Variants in RAB3IL1 observed in about 807,000 individuals in gnomAD.
RAB3IL1 encodes RAB3A interacting protein like 1.
A neutral mutation model predicts 49.2 loss-of-function variants in RAB3IL1; 37 were observed. The ratio of observed to expected loss-of-function variants is 0.75; its 90% CI spans 0.58 to 0.99. The LOEUF (loss-of-function observed/expected upper bound fraction) is 0.99, where lower values mean the gene tolerates loss of function less well. Among genes scored for constraint, RAB3IL1 ranks in the 50% least tolerant of loss-of-function variants. The pLI, the probability that RAB3IL1 is intolerant of heterozygous loss-of-function variation, is 0.00. For missense variants in RAB3IL1, 484 were observed against 513.0 expected, an observed-to-expected ratio of 0.94 and a Z score of 0.55; for synonymous variants, 193 against 213.9, an observed-to-expected ratio of 0.90 and a Z score of 0.85.
upstream of RAB3IL1, among the ~76,000 whole-genome samples, chr11:61,921,444 A>G (rs544298544): frequency 3.0e-4 from 45 of 151,974 alleles, no homozygotes; most frequent in Middle Eastern, 3.4e-3. Context: ...TCCACATACT[A>G]TCCCCCCTGA....
At chr11:61,930,194 C>G in the RAB3IL1 span, among the ~76,000 whole-genome samples, 1 of 151,890 alleles carries the variant, frequency 6.6e-6, no homozygotes, top group East Asian at 1.9e-4. Flanking sequence ...CCACTCCCAG[C>G]CAAGCATAGA....
the RAB3IL1 span, among the ~76,000 whole-genome samples, chr11:61,936,455 G>T: frequency 1.3e-5 from 2 of 152,220 alleles, no homozygotes; most frequent in Admixed American, 6.5e-5. Context: ...AGGCTGGAGT[G>T]CAGTGGCACG....
At chr11:61,939,822 G>T in the RAB3IL1 span, among the ~76,000 whole-genome samples, 1 of 152,070 alleles carries the variant, frequency 6.6e-6, no homozygotes, top group Admixed American at 6.6e-5. Flanking sequence ...GCCAGGTGTG[G>T]TGGCACATGT....
At chr11:61,938,829 G>C in the RAB3IL1 span, among the ~76,000 whole-genome samples, 1 of 152,014 alleles carries the variant, frequency 6.6e-6, no homozygotes, top group Non-Finnish European at 1.5e-5. Context: ...GGGAGGCTGA[G>C]GCAGGAGGAT....
upstream of RAB3IL1, among the ~76,000 whole-genome samples, chr11:61,918,907 C>T (rs551964558): frequency 5.3e-5 from 8 of 152,288 alleles, no homozygotes; most frequent in South Asian, 8.3e-4. Flanking sequence ...TCCATGGCCA[C>T]GGCTTCCAGA....
intron 8 of RAB3IL1, among the ~76,000 whole-genome samples, chr11:61,900,370 A>G (rs903621007): frequency 6.6e-6 from 1 of 152,306 alleles, no homozygotes; most frequent in African/African-American, 2.4e-5. Context: ...TGAATGTCCA[A>G]CACTCCTGGG....
At chr11:61,899,079 T>A in intron 9 of RAB3IL1, 1 of 584,802 alleles carries the variant, frequency 1.7e-6, no homozygotes, top group Admixed American at 2.7e-5. Context: ...GGTGGCCCCC[T>A]TGTGCGGGGC....
chr11:61,916,001 C>T (rs142159230), intron 1 of RAB3IL1, among the ~76,000 whole-genome samples: 32 of 146,946 alleles, frequency 2.2e-4, no homozygotes, highest in Admixed American at 2.1e-3. Flanking sequence ...CACTGCACTC[C>T]AGCCTGGGCG....
chr11:61,932,217 C>T, the RAB3IL1 span, among the ~76,000 whole-genome samples: 1 of 151,630 alleles, frequency 6.6e-6, no homozygotes, highest in Non-Finnish European at 1.5e-5. Flanking sequence ...CACCACTGCA[C>T]TCCAGCCTGG....
chr11:61,943,163 T>C, the RAB3IL1 span, among the ~76,000 whole-genome samples: 2 of 152,240 alleles, frequency 1.3e-5, no homozygotes, highest in East Asian at 3.8e-4. Context: ...CTCAATAGAA[T>C]TGATAGTCCA....
At chr11:61,922,248 C>T (rs1939926128), upstream of RAB3IL1, among the ~76,000 whole-genome samples, 1 of 151,658 alleles carries the variant, frequency 6.6e-6, no homozygotes, top group African/African-American at 2.4e-5. Flanking sequence ...CAGCTGGGGG[C>T]GTTGGCTCAC....
At position 61,907,983 on chromosome 11, in the gene RAB3IL1, A is replaced by T. The variant is rs1939282963; in HGVS notation, c.264+71T>A. 3 of 1,533,010 alleles carry T rather than the reference A, an allele frequency of 2.0e-6. No individual in the cohort carries two copies. In the East Asian group the frequency reaches 6.8e-5, roughly 35 times the overall value. 95.0% of individuals were successfully genotyped at this position (1,533,010 alleles called of 1,614,324 possible). On this transcript the variant is annotated intron_variant, in intron 2 of 9. Coordinates refer to ENST00000394836, the MANE Select transcript of RAB3IL1 (RefSeq NM_013401.4). ...CCTTGGGCACATCTCTGGGCACCTG[A>T]TGAGAGCCCACAGCTCTCCCAACCT...
At chr11:61,907,872 C>T (rs369841553) in intron 2 of RAB3IL1, among the ~76,000 whole-genome samples, 182 bp downstream of exon 2, 3 of 152,214 alleles carry the variant, frequency 2.0e-5, no homozygotes, top group African/African-American at 7.2e-5. Context: ...GAGCTCAGGG[C>T]ACGTTTGCAG....
chr11:61,911,591 C>A (rs933470909), intron 1 of RAB3IL1, among the ~76,000 whole-genome samples: 1 of 152,152 alleles, frequency 6.6e-6, no homozygotes, highest in South Asian at 2.1e-4. Flanking sequence ...TGCTGCCCAG[C>A]GTCCCTACCC....
At chr11:61,944,829 C>T in the RAB3IL1 span, among the ~76,000 whole-genome samples, 3 of 152,198 alleles carry the variant, frequency 2.0e-5, no homozygotes, top group Admixed American at 1.3e-4. Context: ...CCCCGAGTAG[C>T]TGGGATTACA....
At chr11:61,944,789 C>T in the RAB3IL1 span, among the ~76,000 whole-genome samples, 6 of 152,136 alleles carry the variant, frequency 3.9e-5, no homozygotes, top group African/African-American at 4.8e-5. Context: ...CTCTGTCTCC[C>T]GGGTTCAAGT....
intron 5 of RAB3IL1, 104 bp from the exon 6 acceptor site, chr11:61,904,986 C>T: frequency 1.2e-6 from 1 of 827,482 alleles, no homozygotes; most frequent in Non-Finnish European, 1.9e-6. Flanking sequence ...TGGGGCAGGC[C>T]CAGCAAGCCA....
In RAB3IL1 at chr11:61,907,672, G is replaced by T. The variant is rs766624877; in HGVS notation, c.265-12C>A. 1 of 1,613,364 alleles carries T rather than the reference G, an allele frequency of 6.2e-7. No homozygotes were observed. Among genetic ancestry groups the T allele is most frequent in the African/African-American group, 1.3e-5 (1 of 74,870 alleles). On this transcript the variant is annotated splice_polypyrimidine_tract_variant and intron_variant, in intron 2 of 9. Coordinates refer to ENST00000394836, the MANE Select transcript of RAB3IL1 (RefSeq NM_013401.4). Reference sequence around the variant, plus strand: ...TTTAGCTTCAGCTCCTGGAGGAAAAGAGGCAGGCACTTGAGCACCTCAGCA... The same window carrying T: ...TTTAGCTTCAGCTCCTGGAGGAAAATAGGCAGGCACTTGAGCACCTCAGCA...
Position 61,899,316 on chromosome 11 carries a change from T to C in RAB3IL1, c.1064A>G (p.Asp355Gly). The C allele has an allele frequency of 6.2e-7, 1 of 1,605,962 alleles. No individual in the cohort carries two copies. The highest frequency in any genetic ancestry group is 8.5e-7 in the Non-Finnish European group (1 of 1,179,514). ...ACCGGCCACCAGGGGGCGCTCACCG[T>C]CCTGCCGCACCAGGCCTTGCTGGAT... ...RYIQQGLVRQ[D>G]AEPMFWEIMR... is the part of the protein sequence containing the mutation. Residue 355 changes from aspartate to glycine, a missense_variant and splice_region_variant, in exon 9 of 10, where the codon GAC (aspartate) becomes GGC (glycine). Coordinates refer to ENST00000394836, the MANE Select transcript of RAB3IL1 (RefSeq NM_013401.4).
Sources: allele counts gnomAD v4.1 joint callset (sites outside exome capture counted in the v4.1 genomes callset), GRCh38; gene constraint gnomAD v4.1.1; transcripts MANE v1.5; gene names NCBI Gene and HGNC (gene_info 2026-07-23, HGNC 2026-07-21).